NMNAT2: variants seen among roughly 807,000 people sequenced by gnomAD.
The protein encoded by NMNAT2 is nicotinamide nucleotide adenylyltransferase 2.
A neutral mutation model predicts 41.6 loss-of-function variants in NMNAT2; 11 were observed. The observed-to-expected ratio is 0.26, with a 90% CI of 0.17 to 0.44. NMNAT2 has a LOEUF of 0.44. Among genes scored for constraint, NMNAT2 ranks in the 20% least tolerant of loss-of-function variants. NMNAT2 has a pLI of 1.00. For missense variants in NMNAT2, 288 were observed against 407.7 expected, an observed-to-expected ratio of 0.71 and a Z score of 2.53; for synonymous variants, 148 against 151.2, an observed-to-expected ratio of 0.98 and a Z score of 0.16.
chr1:183,311,790 A>C (rs1035741958), intron 1 of NMNAT2, among the ~76,000 whole-genome samples: 2 of 150,926 alleles, frequency 1.3e-5, no homozygotes, highest in Non-Finnish European at 2.9e-5. Flanking sequence ...GCCCAGTGTA[A>C]ACCATGTGAC....
At chr1:183,278,883 G>A (rs999033610) in intron 7 of NMNAT2, among the ~76,000 whole-genome samples, 1 of 152,180 alleles carries the variant, frequency 6.6e-6, no homozygotes, top group African/African-American at 2.4e-5. Flanking sequence ...GAGCATAGCG[G>A]GTGATCGACT....
intron 1 of NMNAT2, among the ~76,000 whole-genome samples, chr1:183,371,223 G>T (rs1663532964): frequency 6.6e-6 from 1 of 152,128 alleles, no homozygotes; most frequent in Non-Finnish European, 1.5e-5. Flanking sequence ...ATGTGAAAAA[G>T]GCTATATACA....
intron 1 of NMNAT2, among the ~76,000 whole-genome samples, chr1:183,367,478 T>C (rs1296328978): frequency 6.6e-6 from 1 of 152,140 alleles, no homozygotes; most frequent in African/African-American, 2.4e-5. Context: ...AATAAATAAA[T>C]AAATAAGCAT....
At chr1:183,339,290 G>A (rs1232344286) in intron 1 of NMNAT2, among the ~76,000 whole-genome samples, 2 of 152,002 alleles carry the variant, frequency 1.3e-5, no homozygotes, top group Non-Finnish European at 2.9e-5. Context: ...GTAGAGACGG[G>A]GTTTCACTGT....
chr1:183,400,256 A>T (rs1648771445), intron 1 of NMNAT2, among the ~76,000 whole-genome samples: 1 of 152,198 alleles, frequency 6.6e-6, no homozygotes, highest in Non-Finnish European at 1.5e-5. Flanking sequence ...ACAAGCATTC[A>T]TATACACCAA....
intron 1 of NMNAT2, among the ~76,000 whole-genome samples, chr1:183,305,714 GC>G (rs1227517111): frequency 1.1e-5 from 1 of 90,654 alleles, no homozygotes; most frequent in Non-Finnish European, 2.2e-5. Context: ...TTCCTTTACA[GC>G]CTTTTTTTTT....
chr1:183,320,155 T>C (rs528223448), intron 1 of NMNAT2, among the ~76,000 whole-genome samples: 1 of 152,364 alleles, frequency 6.6e-6, no homozygotes, highest in African/African-American at 2.4e-5. Context: ...GAGAATCTTC[T>C]GGGCTTAGAG....
chr1:183,395,281 G>A (rs1214119412), intron 1 of NMNAT2, among the ~76,000 whole-genome samples: 2 of 151,866 alleles, frequency 1.3e-5, no homozygotes, highest in Non-Finnish European at 2.9e-5. Context: ...GGGCAGGCCA[G>A]CCTCTATCAC....
At chr1:183,395,835 A>G (rs1013517116) in intron 1 of NMNAT2, among the ~76,000 whole-genome samples, 2 of 152,192 alleles carry the variant, frequency 1.3e-5, no homozygotes, top group African/African-American at 2.4e-5. Flanking sequence ...GGGGAATTTC[A>G]TATTTGTATC....
rs1338313611 is a variant in NMNAT2, at chr1:183,396,440, C to T, written c.85+21743G>A. Among the ~76,000 whole-genome samples, 5 of 152,230 alleles carry T rather than the reference C, an allele frequency of 3.3e-5. No homozygotes were observed. The East Asian group carries it at 9.7e-4, about 29-fold the overall frequency. ...TCCCAATAAGACCTCAGGAGTTGGG[C>T]GAGTGGGCTCAAGCATGTGCACTAA... On this transcript the variant is annotated intron_variant, in intron 1 of 10. Coordinates refer to ENST00000287713, the MANE Select transcript of NMNAT2 (RefSeq NM_015039.4).
chr1:183,379,747 C>T (rs1338600158), intron 1 of NMNAT2, among the ~76,000 whole-genome samples: 3 of 152,180 alleles, frequency 2.0e-5, no homozygotes, highest in African/African-American at 4.8e-5. Context: ...TAATTGGTAA[C>T]AGTCATCACA....
chr1:183,371,499 C>T (rs6666655), intron 1 of NMNAT2, among the ~76,000 whole-genome samples: 2,375 of 152,286 alleles, frequency 0.016, 68 homozygotes, highest in African/African-American at 0.053. Context: ...GCTCCATCAG[C>T]TGTAATTAAT....
At chr1:183,410,731 C>G (rs1242127278) in intron 1 of NMNAT2, among the ~76,000 whole-genome samples, 2 of 148,530 alleles carry the variant, frequency 1.3e-5, no homozygotes, top group Non-Finnish European at 3.0e-5. Context: ...ATGCCATTCT[C>G]TCTCTCTTTT....
At chr1:183,265,121 G>A (rs528682542) in intron 8 of NMNAT2, among the ~76,000 whole-genome samples, 1 of 152,144 alleles carries the variant, frequency 6.6e-6, no homozygotes, top group African/African-American at 2.4e-5. Context: ...CACTTGGATA[G>A]GGCATCTCAA....
chr1:183,298,197 CCAT>C (rs1486086877), intron 1 of NMNAT2, among the ~76,000 whole-genome samples: 7 of 151,938 alleles, frequency 4.6e-5, no homozygotes, highest in African/African-American at 1.7e-4. Flanking sequence ...CTAGTGCACA[CCAT>C]AAGGCAAGAA....
intron 1 of NMNAT2, among the ~76,000 whole-genome samples, chr1:183,371,577 G>C (rs1663544812): frequency 6.6e-6 from 1 of 152,092 alleles, no homozygotes; most frequent in African/African-American, 2.4e-5. Flanking sequence ...GAGTCTGTGG[G>C]AAATCTCTGT....
intron 1 of NMNAT2, among the ~76,000 whole-genome samples, chr1:183,369,394 A>G (rs1663483723): frequency 6.6e-6 from 1 of 151,608 alleles, no homozygotes; most frequent in Non-Finnish European, 1.5e-5. Flanking sequence ...CTCCTGCCTC[A>G]GCCTCCCAAG....
At position 183,272,467 on chromosome 1, in the gene NMNAT2, T is replaced by C. The variant is rs534661509; in HGVS notation, c.651+6086A>G. 3.3e-5 allele frequency among the ~76,000 whole-genome samples: 5 copies of C among 152,264 alleles called. No individual in the cohort carries two copies. In the South Asian group the frequency reaches 1.0e-3, roughly 32 times the overall value. On this transcript the variant is annotated intron_variant, in intron 8 of 10. Coordinates refer to ENST00000287713, the MANE Select transcript of NMNAT2 (RefSeq NM_015039.4). ...GACTATGTATGGAATTTTTTCTCCA[T>C]GGAATGTAAGGGGAAGGGTGTGTCA...
chr1:183,341,493 C>T (rs556980473), intron 1 of NMNAT2, among the ~76,000 whole-genome samples: 1 of 93,904 alleles, frequency 1.1e-5, no homozygotes, highest in East Asian at 3.1e-4. Flanking sequence ...GCCTGGGAAA[C>T]ATAGCAAAAC....
Sources: gnomAD v4.1 joint callset for allele counts (sites outside exome capture counted in the v4.1 genomes callset) on GRCh38, gnomAD v4.1.1 for gene constraint, MANE v1.5 for transcripts, NCBI Gene and HGNC (gene_info 2026-07-23, HGNC 2026-07-21) for gene names.